Variants in TMTC1 observed in about 807,000 individuals in gnomAD.
The protein encoded by TMTC1 is transmembrane O-mannosyltransferase targeting cadherins 1.
Under a neutral mutation model 104.8 loss-of-function variants are expected in TMTC1, and 73 were observed. The ratio of observed to expected loss-of-function variants is 0.70; its 90% CI spans 0.58 to 0.85. The LOEUF is 0.85. TMTC1 is among the 40% of genes least tolerant of loss of function. The pLI, the probability that TMTC1 is intolerant of heterozygous loss-of-function variation, is 0.00. For missense variants in TMTC1, 1,035 were observed against 1,096.1 expected (o/e 0.94, Z 0.79); for synonymous variants, 434 against 428.7 (o/e 1.01, Z -0.15).
chr12:29,562,829 G>T (rs190979278), intron 9 of TMTC1, among the ~76,000 whole-genome samples: 2 of 152,162 alleles, frequency 1.3e-5, no homozygotes, highest in Admixed American at 1.3e-4. Context: ...TAATATTTTG[G>T]GGTCAGCTGC....
At position 29,516,395 on chromosome 12, in the gene TMTC1, T is replaced by C. The variant is rs954762497; in HGVS notation, c.2261A>G (p.Tyr754Cys). ...VSEETGCLEC[Y>C]RLLSAIYSKQ... is the part of the protein sequence containing the mutation. Reference sequence around the variant, plus strand: ...GCTATAGATGGCTGACAAGAGGCGATAGCATTCAAGGCATCCGGTCTCCTC... The same window carrying C: ...GCTATAGATGGCTGACAAGAGGCGACAGCATTCAAGGCATCCGGTCTCCTC... The change falls in exon 15 of 18, where the codon TAT (tyrosine) becomes TGT (cysteine). Residue 754 changes from tyrosine to cysteine, a missense_variant. By Grantham distance (194) the Tyr-to-Cys change is radical. Transcript: ENST00000539277. The C allele has an allele frequency of 5.0e-6, 8 of 1,614,036 alleles. No homozygotes were observed. Among genetic ancestry groups the C allele is most frequent in the South Asian group, 1.1e-5 (1 of 91,064 alleles).
chr12:29,649,576 C>T (rs1304437607), intron 5 of TMTC1, among the ~76,000 whole-genome samples: 1 of 152,234 alleles, frequency 6.6e-6, no homozygotes, highest in Non-Finnish European at 1.5e-5. Flanking sequence ...ATCAGAATCA[C>T]ACTGTGTTGT....
chr12:29,631,919 C>G (rs1184701190), intron 6 of TMTC1, among the ~76,000 whole-genome samples: 1 of 152,160 alleles, frequency 6.6e-6, no homozygotes, highest in Non-Finnish European at 1.5e-5. Context: ...TAACTCAAGC[C>G]AGTGAATTTT....
intron 6 of TMTC1, among the ~76,000 whole-genome samples, chr12:29,607,619 CCTT>C (rs1305891932): frequency 5.9e-5 from 9 of 152,152 alleles, no homozygotes; most frequent in African/African-American, 1.9e-4. Flanking sequence ...ATGGAACTGA[CCTT>C]CACCTAATGG....
At chr12:29,728,029 G>A (rs1179547819) in intron 5 of TMTC1, among the ~76,000 whole-genome samples, 1 of 152,188 alleles carries the variant, frequency 6.6e-6, no homozygotes, top group Non-Finnish European at 1.5e-5. Context: ...GCGCCCAATA[G>A]CAGTAGAAAC....
intron 5 of TMTC1, among the ~76,000 whole-genome samples, chr12:29,699,696 A>G (rs1023578783): frequency 2.5e-5 from 3 of 120,754 alleles, no homozygotes; most frequent in African/African-American, 3.3e-5. Flanking sequence ...ACTGTCACCC[A>G]GGCTGGAGTG....
chr12:29,699,933 T>C (rs988755277), intron 5 of TMTC1, among the ~76,000 whole-genome samples: 7 of 152,158 alleles, frequency 4.6e-5, no homozygotes, highest in African/African-American at 1.4e-4. Context: ...TAAGCCACCA[T>C]GCCTTGCCAT....
chr12:29,725,143 G>A (rs954034245), intron 5 of TMTC1, among the ~76,000 whole-genome samples: 4 of 142,444 alleles, frequency 2.8e-5, no homozygotes, highest in Non-Finnish European at 4.5e-5. Context: ...TCAGCCTCCC[G>A]AATAGCTGGA....
rs1211769741 is a variant in TMTC1 at position 29,644,868 on chromosome 12, TC to T, written c.939-11533del. Among the ~76,000 whole-genome samples, 5 of 152,224 alleles carry T rather than the reference TC, an allele frequency of 3.3e-5. 1 individual carries two copies. The highest frequency in any genetic ancestry group is 1.2e-4 in the African/African-American group (5 of 41,544). The stretch of plus-strand genomic sequence containing the variant: ...ATCTTCTGGAATCAACTCTCACAGG[TC>T]CTTGAACTCCAACTCCTCTGGATCC... On this transcript the variant is annotated intron_variant, in intron 5 of 17. Transcript: ENST00000539277.
intron 5 of TMTC1, among the ~76,000 whole-genome samples, chr12:29,698,850 G>C (rs1941499833): frequency 2.0e-5 from 3 of 152,194 alleles, no homozygotes; most frequent in Admixed American, 6.5e-5. Flanking sequence ...GGGAGAAATG[G>C]GGAAAGAGGG....
intron 3 of TMTC1, among the ~76,000 whole-genome samples, chr12:29,756,203 A>G (rs1422398130): frequency 1.3e-5 from 2 of 152,250 alleles, no homozygotes; most frequent in African/African-American, 4.8e-5. Flanking sequence ...TTACTAAACT[A>G]TATGCATAAG....
chr12:29,781,931 G>A (rs1030548168), intron 1 of TMTC1, among the ~76,000 whole-genome samples: 1 of 152,230 alleles, frequency 6.6e-6, no homozygotes, highest in African/African-American at 2.4e-5. Context: ...AGTAGGCACA[G>A]GCATTTGACT....
intron 1 of TMTC1, among the ~76,000 whole-genome samples, chr12:29,776,304 G>C (rs906070029): frequency 1.3e-5 from 2 of 152,180 alleles, no homozygotes; most frequent in African/African-American, 4.8e-5. Context: ...GTTCCAGCAA[G>C]TTCCAATAGA....
chr12:29,768,421 T>C (rs1355519158), intron 1 of TMTC1, among the ~76,000 whole-genome samples: 3 of 152,154 alleles, frequency 2.0e-5, no homozygotes, highest in African/African-American at 7.2e-5. Context: ...TGCTGGCTCT[T>C]CCCAAGCAAC....
chr12:29,651,941 G>A (rs1331384216), intron 5 of TMTC1, among the ~76,000 whole-genome samples: 3 of 152,146 alleles, frequency 2.0e-5, no homozygotes, highest in Admixed American at 1.3e-4. Flanking sequence ...TTCCCCAGTG[G>A]AAGAGATGCT....
chr12:29,608,668 G>A (rs1220498937), intron 6 of TMTC1, among the ~76,000 whole-genome samples: 1 of 152,102 alleles, frequency 6.6e-6, no homozygotes. Flanking sequence ...TTCTTTTCTG[G>A]TTGGGAAGAA....
intron 17 of TMTC1, among the ~76,000 whole-genome samples, chr12:29,509,515 G>C (rs1241216515): frequency 6.6e-6 from 1 of 152,142 alleles, no homozygotes; most frequent in African/African-American, 2.4e-5. Flanking sequence ...AACAATGCCC[G>C]ATGCACACAT....
At chr12:29,608,631 C>T (rs61238314) in intron 6 of TMTC1, among the ~76,000 whole-genome samples, 3,635 of 152,154 alleles carry the variant, frequency 0.024, 163 homozygotes, top group African/African-American at 0.083. Context: ...GTGATAGATT[C>T]GCTATTATAG....
intron 5 of TMTC1, among the ~76,000 whole-genome samples, chr12:29,707,300 C>T (rs368900765): frequency 2.0e-5 from 3 of 152,098 alleles, no homozygotes; most frequent in Non-Finnish European, 2.9e-5. Flanking sequence ...AACATATTTT[C>T]GGCATTTCCT....
Sources: gnomAD v4.1 joint callset for allele counts (sites outside exome capture counted in the v4.1 genomes callset) on GRCh38, gnomAD v4.1.1 for gene constraint, MANE v1.5 for transcripts, NCBI Gene and HGNC (gene_info 2026-07-23, HGNC 2026-07-21) for gene names.